The following INSL3 variants were observed in gnomAD, a reference collection of about 807,000 sequenced individuals.
INSL3 encodes the protein insulin like 3.
INSL3 carries 6 observed loss-of-function variants against 5.5 expected under a neutral mutation model. That is an observed-to-expected ratio of 1.08 (90% CI 0.59 to 2.14). The LOEUF is 2.14. Among genes scored for constraint, INSL3 ranks in the 30% most tolerant of loss-of-function variants. The probability of loss-of-function intolerance (pLI) is 0.00; values close to 1 mark genes in which losing one functional copy is unlikely to be tolerated. For missense variants in INSL3, 178 were observed against 184.7 expected, an observed-to-expected ratio of 0.96 and a Z score of 0.21; for synonymous variants, 86 against 82.1, an observed-to-expected ratio of 1.05 and a Z score of -0.26.
In INSL3 at chr19:17,817,795, CAAAA is replaced by C. The variant is rs58956953; in HGVS notation, c.191-740_191-737del. 2.5e-4 allele frequency among the ~76,000 whole-genome samples: 10 copies of C among 40,322 alleles called. No individual in the cohort carries two copies. The East Asian group carries it at 3.5e-3, about 14-fold the overall frequency. The allele number at this position is 40,322 out of a possible 152,430, so 26.5% of individuals were successfully genotyped here. On this transcript the variant is annotated intron_variant, in intron 1 of 1. Coordinates refer to ENST00000317306, the MANE Select transcript of INSL3 (RefSeq NM_005543.4). ...AGGTGACAAGAATGAAACTCCATCTCAAAAAAAAAAAAAAAAAAAAAAAGCGAGC... is the reference window on the plus strand; with the variant it reads ...AGGTGACAAGAATGAAACTCCATCTCAAAAAAAAAAAAAAAAAAAGCGAGC...
chr19:17,817,818 A>AAAAAAAAT (rs2094190114), intron 1 of INSL3, among the ~76,000 whole-genome samples: 3 of 148,830 alleles, frequency 2.0e-5, no homozygotes, highest in Admixed American at 6.7e-5. Flanking sequence ...AAAAAAAAAA[A>AAAAAAAAT]GCGAGCACTT....
rs1054350739 is a variant in INSL3 at position 17,821,389 on chromosome 19, G to A, written c.118C>T (p.Arg40Cys). ...REKLCGHHFV[R>C]ALVRVCGGPR... ...CCCCCGCACACGCGCACTAGCGCGC[G>A]TACGAAGTGGTGGCCGCACAACTTC... Residue 40 changes from arginine (R) to cysteine (C), a missense_variant, in exon 1 of 2, where the codon CGC becomes TGC. Physicochemically the swap from Arg to Cys is radical, Grantham distance 180 (BLOSUM62 -3). Transcript: ENST00000317306. The A allele has an allele frequency of 7.1e-6, 11 of 1,548,194 alleles. No homozygotes were observed. The highest frequency in any genetic ancestry group is 1.4e-5 in the African/African-American group (1 of 72,970).
rs1287020143 is a variant in INSL3 at position 17,816,763 on chromosome 19, G to T, written c.*91C>A. 2.3e-6 allele frequency: 3 copies of T among 1,278,226 alleles called. No individual in the cohort carries two copies. Among genetic ancestry groups the T allele is most frequent in the Non-Finnish European group, 3.4e-6 (3 of 888,560 alleles). 79.2% of individuals were successfully genotyped at this position (1,278,226 alleles called of 1,614,324 possible). ...AGGAGGTAATCAAAGGCCTGTAGAT[G>T]CGAGACTTTATGGTGCTGTGTGGCC... On this transcript the variant is annotated 3_prime_UTR_variant, in exon 2 of 2. Coordinates refer to ENST00000317306, the MANE Select transcript of INSL3 (RefSeq NM_005543.4).
At chr19:17,818,210 G>A (rs1217237690) in intron 1 of INSL3, among the ~76,000 whole-genome samples, 3 of 152,150 alleles carry the variant, frequency 2.0e-5, no homozygotes, top group African/African-American at 7.2e-5. Context: ...CGCAAGTGGA[G>A]TGGCACACAG....
intron 1 of INSL3, among the ~76,000 whole-genome samples, chr19:17,818,281 C>T (rs2094190776): frequency 6.6e-6 from 1 of 152,088 alleles, no homozygotes; most frequent in Non-Finnish European, 1.5e-5. Flanking sequence ...TGCACCAGGG[C>T]CAGGACTAGG....
Position 17,817,020 on chromosome 19 carries a change from T to C in INSL3, c.230A>G (p.His77Arg), listed in dbSNP as rs772721476. Residue 77 changes from histidine (H) to arginine (R), a missense_variant, in exon 2 of 2, where the codon CAT (histidine) becomes CGT (arginine). Physicochemically the swap from His to Arg is conservative, Grantham distance 29. Transcript: ENST00000317306. ...GAGATTACTGTCGGCCACCAGCCCA[T>C]GGAGCAGATGTCGTCTCTCCAGCCA... Reference protein sequence around the residue: ...LQWLERRHLLHGLVADSNLTL... With the variant: ...LQWLERRHLLRGLVADSNLTL... 10 of 1,613,788 alleles carry C rather than the reference T, an allele frequency of 6.2e-6. No homozygotes were observed. The highest frequency in any genetic ancestry group is 8.5e-6 in the Non-Finnish European group (10 of 1,179,898).
intron 1 of INSL3, among the ~76,000 whole-genome samples, chr19:17,819,343 G>T (rs972315376): frequency 6.6e-6 from 1 of 151,874 alleles, no homozygotes; most frequent in South Asian, 2.1e-4. Context: ...CAAACTCCTG[G>T]CCTCAAGTGA....
chr19:17,816,550 A>T lies in INSL3; in HGVS notation c.*304T>A. The T allele has an allele frequency of 2.2e-6, 1 of 459,566 alleles. No homozygotes were observed. The highest frequency in any genetic ancestry group is 4.1e-5 in the East Asian group (1 of 24,196). 28.5% of individuals were successfully genotyped at this position (459,566 alleles called of 1,614,324 possible). A position where few individuals can be genotyped will look rare whatever the true frequency, so the allele number is the denominator to read the frequency against. On this transcript the variant is annotated 3_prime_UTR_variant, in exon 2 of 2. Coordinates refer to ENST00000317306, the MANE Select transcript of INSL3 (RefSeq NM_005543.4). ...GTTTATTTACTAAGAGACAGCAAGA[A>T]GGGGTGTTACACATGCAGGGAGCGG...
rs758175052 is a variant in INSL3, at chr19:17,817,068, A to G, written c.191-9T>C. On this transcript the variant is annotated splice_polypyrimidine_tract_variant and intron_variant, in intron 1 of 1. Transcript: ENST00000317306. ...CCACTGTAGCAACTCACCTGGGGAC[A>G]GAGTGAAACTCAGCTGGAACGGAAA... The G allele has an allele frequency of 1.4e-5, 23 of 1,611,744 alleles. No individual in the cohort carries two copies. In the Admixed American group the frequency reaches 1.7e-4, roughly 12 times the overall value.
At chr19:17,818,810 A>G (rs1351631270) in intron 1 of INSL3, among the ~76,000 whole-genome samples, 10 of 151,854 alleles carry the variant, frequency 6.6e-5, no homozygotes, top group Non-Finnish European at 1.5e-4. Context: ...CAGAAGACAG[A>G]GATGTTATCT....
At chr19:17,817,795 CAAAAAAAAAA>C (rs58956953) in intron 1 of INSL3, among the ~76,000 whole-genome samples, 2 of 40,322 alleles carry the variant, frequency 5.0e-5, no homozygotes, top group Middle Eastern at 0.026. Context: ...AACTCCATCT[CAAAAAAAAAA>C]AAAAAAAAAA....
chr19:17,820,561 G>C (rs2094194005), intron 1 of INSL3: 1 of 202,702 alleles, frequency 4.9e-6, no homozygotes, highest in Admixed American at 5.7e-5. Context: ...CAGAGGCTGA[G>C]GCAGGAGGAT....
At chr19:17,817,515 C>G (rs1270702399) in intron 1 of INSL3, among the ~76,000 whole-genome samples, 1 of 147,944 alleles carries the variant, frequency 6.8e-6, no homozygotes, top group Non-Finnish European at 1.5e-5. Flanking sequence ...GAGCACTGGC[C>G]CGGCTCAGTG....
Position 17,816,564 on chromosome 19 carries a change from T to A in INSL3, c.*290A>T. The A allele has an allele frequency of 2.0e-6, 1 of 493,340 alleles. No homozygotes were observed. The allele number at this position is 493,340 out of a possible 1,614,324, so 30.6% of individuals were successfully genotyped here. A position where few individuals can be genotyped will look rare whatever the true frequency, so the allele number is the denominator to read the frequency against. The stretch of plus-strand genomic sequence containing the variant: ...AGACAGCAAGAAGGGGTGTTACACA[T>A]GCAGGGAGCGGAGCGTCTGGGGCTC... On this transcript the variant is annotated 3_prime_UTR_variant, in exon 2 of 2. Coordinates refer to ENST00000317306, the MANE Select transcript of INSL3 (RefSeq NM_005543.4).
In INSL3 at chr19:17,816,736, C is replaced by G; in HGVS notation, c.*118G>C. On this transcript the variant is annotated 3_prime_UTR_variant, in exon 2 of 2. Coordinates refer to ENST00000317306, the MANE Select transcript of INSL3 (RefSeq NM_005543.4). ...CTGGGGTAGATAGTGAGCACCCATC[C>G]CAGGAGGTAATCAAAGGCCTGTAGA... The G allele has an allele frequency of 1.1e-6, 1 of 951,792 alleles. No individual in the cohort carries two copies. Among genetic ancestry groups the G allele is most frequent in the South Asian group, 1.4e-5 (1 of 71,962 alleles). The allele number at this position is 951,792 out of a possible 1,614,324, so 59.0% of individuals were successfully genotyped here. A position where few individuals can be genotyped will look rare whatever the true frequency, so the allele number is the denominator to read the frequency against.
intron 1 of INSL3, chr19:17,820,637 G>A (rs746175561): frequency 4.9e-4 from 81 of 164,556 alleles, no homozygotes; most frequent in Non-Finnish European, 8.4e-4. Context: ...CAGCCTGGGC[G>A]TCAGAGTGAG....
In INSL3 at chr19:17,818,489, G is replaced by A. The variant is rs565618735; in HGVS notation, c.191-1430C>T. 3.0e-4 allele frequency among the ~76,000 whole-genome samples: 46 copies of A among 152,156 alleles called. No homozygotes were observed. The South Asian group carries it at 8.9e-3, about 30-fold the overall frequency. ...AAATTAGCTGGGCATAATTCTGCAT[G>A]CCTGTAGTCCCAGCTACTTGGGAGG... On this transcript the variant is annotated intron_variant, in intron 1 of 1. Coordinates refer to ENST00000317306, the MANE Select transcript of INSL3 (RefSeq NM_005543.4).
chr19:17,817,122 A>G (rs1363417403), intron 1 of INSL3, 63 bp from the exon 2 acceptor site: 4 of 1,478,004 alleles, frequency 2.7e-6, no homozygotes, highest in African/African-American at 2.8e-5. Flanking sequence ...CCCATGCTGC[A>G]TGTGCACGAA....
Position 17,817,874 on chromosome 19 carries a change from CACTCA to C in INSL3, c.191-820_191-816del, listed in dbSNP as rs202155583. Among the ~76,000 whole-genome samples, 14 of 150,494 alleles carry C rather than the reference CACTCA, an allele frequency of 9.3e-5. No individual in the cohort carries two copies. In the East Asian group the frequency reaches 2.6e-3, roughly 28 times the overall value. On this transcript the variant is annotated intron_variant, in intron 1 of 1. Transcript: ENST00000317306. ...CAGGCACCTGGTTAATCCTCTCATC[CACTCA>C]ACTCATGTCCACACTCACATCCCCA...
Sources: gnomAD v4.1 joint callset for allele counts (sites outside exome capture counted in the v4.1 genomes callset) on GRCh38, gnomAD v4.1.1 for gene constraint, MANE v1.5 for transcripts, NCBI Gene and HGNC (gene_info 2026-07-23, HGNC 2026-07-21) for gene names.